ZNF385D: variants seen among roughly 807,000 people sequenced by gnomAD.
The protein encoded by ZNF385D is zinc finger protein 659.
In ZNF385D, 15 loss-of-function variants were observed where a neutral mutation model predicts 35.8. The observed-to-expected ratio is 0.42, with a 90% confidence interval of 0.28 to 0.64. The LOEUF is 0.64. Among genes scored for constraint, ZNF385D ranks in the 30% least tolerant of loss-of-function variants. The probability of loss-of-function intolerance (pLI) is 0.23; values close to 1 mark genes in which losing one functional copy is unlikely to be tolerated. For missense variants in ZNF385D, 474 were observed against 494.6 expected (o/e 0.96, Z 0.39); for synonymous variants, 212 against 186.8 (o/e 1.13, Z -1.10).
chr3:21,768,578 G>A (rs75775553), intron 3 of ZNF385D, among the ~76,000 whole-genome samples: 3,246 of 152,018 alleles, frequency 0.021, 105 homozygotes, highest in African/African-American at 0.073. Context: ...ACAGCCCTAT[G>A]ACAGGCAGCT....
At chr3:21,982,652 G>C (rs950155685) in intron 3 of ZNF385D, among the ~76,000 whole-genome samples, 2 of 152,138 alleles carry the variant, frequency 1.3e-5, no homozygotes, top group African/African-American at 2.4e-5. Flanking sequence ...CAGCATACTT[G>C]TCTTGAGCTG....
At chr3:21,779,798 T>G (rs193275790) in intron 3 of ZNF385D, among the ~76,000 whole-genome samples, 1 of 152,074 alleles carries the variant, frequency 6.6e-6, no homozygotes, top group African/African-American at 2.4e-5. Flanking sequence ...TTATATTAGT[T>G]GCTGAGTATG....
chr3:21,751,612 G>C (rs912232840), upstream of ZNF385D, among the ~76,000 whole-genome samples: 1 of 152,026 alleles, frequency 6.6e-6, no homozygotes. Context: ...CTGTGGGCTT[G>C]AGGGTTTGTT....
At chr3:22,166,716 CTT>C (rs1706355004) in intron 3 of ZNF385D, among the ~76,000 whole-genome samples, 1 of 152,212 alleles carries the variant, frequency 6.6e-6, no homozygotes, top group Admixed American at 6.5e-5. Context: ...GTTTGAAAAT[CTT>C]TGGCTATTCT....
chr3:21,917,685 G>T lies in ZNF385D; in HGVS notation c.325+251132C>A, dbSNP rs186246873. The stretch of plus-strand genomic sequence containing the variant: ...ACAGGAACAGAAAAAAATTTGTCAT[G>T]GATTCTTTTTATACTTTATTGGGAA... On this transcript the variant is annotated intron_variant, in intron 3 of 5. Transcript: ENST00000494108. 1.7e-3 allele frequency among the ~76,000 whole-genome samples: 261 copies of T among 152,154 alleles called. 1 individual carries two copies. Among genetic ancestry groups the T allele is most frequent in the Non-Finnish European group, 2.2e-3 (152 of 67,990 alleles).
intron 2 of ZNF385D, among the ~76,000 whole-genome samples, chr3:22,353,203 A>T (rs535125631): frequency 1.3e-5 from 2 of 152,282 alleles, no homozygotes; most frequent in East Asian, 3.9e-4. Flanking sequence ...TTGCTACTGG[A>T]ATCTCTTCAT....
At position 22,013,688 on chromosome 3, in the gene ZNF385D, C is replaced by T. The variant is rs553523458; in HGVS notation, c.325+155129G>A. 3.9e-5 allele frequency among the ~76,000 whole-genome samples: 6 copies of T among 152,158 alleles called. No individual in the cohort carries two copies. In the South Asian group the frequency reaches 1.2e-3, roughly 32 times the overall value. On this transcript the variant is annotated intron_variant, in intron 3 of 5. Transcript: ENST00000494108. ...AGCCAGACTAAAAATTTACGTACAG[C>T]CTGTTAATCAAAGTGTGAGTCCCCT...
intron 2 of ZNF385D, among the ~76,000 whole-genome samples, chr3:21,625,197 G>A (rs546280634): frequency 6.6e-6 from 1 of 151,994 alleles, no homozygotes; most frequent in Non-Finnish European, 1.5e-5. Flanking sequence ...AGAAGCAAAG[G>A]AAATGATTCC....
chr3:22,297,901 T>C (rs1012846511), intron 2 of ZNF385D, among the ~76,000 whole-genome samples: 5 of 152,102 alleles, frequency 3.3e-5, no homozygotes, highest in South Asian at 2.1e-4. Context: ...TTTACAGATA[T>C]TGAAACAAAT....
At chr3:22,299,214 A>G (rs57447694) in intron 2 of ZNF385D, among the ~76,000 whole-genome samples, 10 of 152,046 alleles carry the variant, frequency 6.6e-5, no homozygotes, top group African/African-American at 2.4e-4. Context: ...AATGACTATC[A>G]GTTCTTTTAA....
intron 3 of ZNF385D, among the ~76,000 whole-genome samples, chr3:22,100,601 A>C (rs1362596917): frequency 6.7e-6 from 1 of 149,406 alleles, no homozygotes; most frequent in Non-Finnish European, 1.5e-5. Context: ...ACCAAACATC[A>C]CATATTCTCA....
intron 2 of ZNF385D, among the ~76,000 whole-genome samples, chr3:22,254,510 A>G (rs978089989): frequency 6.6e-6 from 1 of 151,926 alleles, no homozygotes; most frequent in Non-Finnish European, 1.5e-5. Context: ...TACACATTTC[A>G]TTATAAAATA....
rs376326576 is a variant in ZNF385D, at chr3:21,816,335, T to A, written c.326-151307A>T. Among the ~76,000 whole-genome samples, 9 of 152,128 alleles carry A rather than the reference T, an allele frequency of 5.9e-5. No individual in the cohort carries two copies. The East Asian group carries it at 7.8e-4, about 13-fold the overall frequency. On this transcript the variant is annotated intron_variant, in intron 3 of 5. Coordinates refer to the ZNF385D transcript ENST00000494108. ...GTGTTGGAAGTTTGGGCCAGGGCAA[T>A]CAGGCAGGAGAAAAAAATAAAGGGT...
At chr3:22,257,732 C>T (rs1364566816) in intron 2 of ZNF385D, among the ~76,000 whole-genome samples, 1 of 151,796 alleles carries the variant, frequency 6.6e-6, no homozygotes, top group Non-Finnish European at 1.5e-5. Flanking sequence ...CATACTATCA[C>T]TTTCTCAAAT....
chr3:21,918,176 G>C (rs1365933383), intron 3 of ZNF385D, among the ~76,000 whole-genome samples: 2 of 146,428 alleles, frequency 1.4e-5, no homozygotes, highest in Admixed American at 6.9e-5. Flanking sequence ...TTTAGCAATG[G>C]GGAATATGAT....
intron 3 of ZNF385D, among the ~76,000 whole-genome samples, chr3:22,134,994 T>C (rs761949966): frequency 6.6e-6 from 1 of 152,110 alleles, no homozygotes; most frequent in Non-Finnish European, 1.5e-5. Context: ...AAATTAAAAA[T>C]AATTAACAAT....
intron 3 of ZNF385D, among the ~76,000 whole-genome samples, chr3:21,531,986 G>A (rs999357949): frequency 2.0e-5 from 3 of 152,070 alleles, no homozygotes; most frequent in Non-Finnish European, 4.4e-5. Flanking sequence ...ACACAGATCT[G>A]GGCACAAGGT....
At chr3:22,152,298 C>T (rs1705289521) in intron 3 of ZNF385D, among the ~76,000 whole-genome samples, 1 of 152,150 alleles carries the variant, frequency 6.6e-6, no homozygotes. Context: ...ACAACAACTG[C>T]ATGGGAGGGT....
chr3:21,561,693 G>T (rs760252462), intron 3 of ZNF385D, among the ~76,000 whole-genome samples: 1 of 152,122 alleles, frequency 6.6e-6, no homozygotes, highest in South Asian at 2.1e-4. Context: ...TGGGAGATTG[G>T]GGAATGTCCA....
Sources: gnomAD v4.1 joint callset for allele counts (sites outside exome capture counted in the v4.1 genomes callset) on GRCh38, gnomAD v4.1.1 for gene constraint, MANE v1.5 for transcripts, NCBI Gene and HGNC (gene_info 2026-07-23, HGNC 2026-07-21) for gene names.